ANKFN1: variants seen among roughly 807,000 people sequenced by gnomAD.
ANKFN1 encodes the protein ankyrin repeat and fibronectin type-III domain-containing protein 1.
A neutral mutation model predicts 108.7 loss-of-function variants in ANKFN1; 74 were observed. That is an observed-to-expected ratio of 0.68 (90% confidence interval 0.56 to 0.83). The LOEUF is 0.83. ANKFN1 is among the 40% of genes least tolerant of loss of function. The pLI, the probability that ANKFN1 is intolerant of heterozygous loss-of-function variation, is 0.00. For missense variants in ANKFN1, 1,505 were observed against 1,382.3 expected, an observed-to-expected ratio of 1.09 and a Z score of -1.41; for synonymous variants, 547 against 516.2, an observed-to-expected ratio of 1.06 and a Z score of -0.81.
At chr17:56,176,560 C>T (rs1257950647) in intron 1 of ANKFN1, among the ~76,000 whole-genome samples, 3 of 152,166 alleles carry the variant, frequency 2.0e-5, no homozygotes, top group African/African-American at 7.2e-5. Context: ...TCTTTGTGGT[C>T]ACTATGTCAA....
chr17:56,276,053 T>C (rs1016803291), intron 3 of ANKFN1, among the ~76,000 whole-genome samples: 2 of 152,050 alleles, frequency 1.3e-5, no homozygotes, highest in African/African-American at 4.8e-5. Context: ...AGTGTGACAT[T>C]CCCCACCCTG....
upstream of ANKFN1, among the ~76,000 whole-genome samples, chr17:56,152,317 G>A (rs564787682): frequency 6.9e-6 from 1 of 144,756 alleles, no homozygotes; most frequent in East Asian, 2.1e-4. Flanking sequence ...ATTTTTCTGA[G>A]TGCCTCACTG....
chr17:56,267,375 T>A (rs2043680143), intron 3 of ANKFN1, among the ~76,000 whole-genome samples: 1 of 152,236 alleles, frequency 6.6e-6, no homozygotes. Context: ...CTGTTTATTC[T>A]GTTGATAGTT....
chr17:56,442,678 T>C (rs1030708891), intron 9 of ANKFN1, among the ~76,000 whole-genome samples, 165 bp from the exon 10 acceptor site: 1 of 152,096 alleles, frequency 6.6e-6, no homozygotes, highest in African/African-American at 2.4e-5. Flanking sequence ...CAGAATGCTA[T>C]AGATGGGCTA....
chr17:56,103,393 A>G (rs544049689), intron 4 of ANKFN1, among the ~76,000 whole-genome samples: 1 of 152,334 alleles, frequency 6.6e-6, no homozygotes, highest in East Asian at 1.9e-4. Flanking sequence ...AAGGCACTGC[A>G]GGAAAGTGGA....
chr17:56,298,981 C>G (rs1472077284), intron 3 of ANKFN1, among the ~76,000 whole-genome samples: 8 of 152,182 alleles, frequency 5.3e-5, no homozygotes, highest in African/African-American at 1.9e-4. Flanking sequence ...CTGGAACAGT[C>G]TTGGAATAGA....
chr17:56,187,428 A>G (rs1254071117), intron 1 of ANKFN1, among the ~76,000 whole-genome samples: 3 of 152,242 alleles, frequency 2.0e-5, no homozygotes, highest in Non-Finnish European at 2.9e-5. Context: ...TTAAAAAGTC[A>G]GGAAACAACA....
chr17:56,118,262 G>A (rs779160431), intron 4 of ANKFN1, among the ~76,000 whole-genome samples: 4 of 152,102 alleles, frequency 2.6e-5, no homozygotes. Flanking sequence ...GGAATCTCTA[G>A]ATCAGATGGT....
In ANKFN1 at chr17:56,449,095, C is replaced by T. The variant is rs759462310; in HGVS notation, c.1116C>T (p.Asp372=). 9.3e-6 allele frequency: 15 copies of T among 1,613,066 alleles called. No homozygotes were observed. In the East Asian group the frequency reaches 2.7e-4, roughly 29 times the overall value. Residue 372 remains aspartate, a synonymous_variant, in exon 11 of 21, where the codon GAC becomes GAT. Coordinates refer to ENST00000682825, the MANE Select transcript of ANKFN1 (RefSeq NM_001370326.1). The stretch of plus-strand genomic sequence containing the variant: ...GTTCAATAGACTGGAAAGACTATGA[C>T]GACAGAGAGCCCAGACACAAGGGAC... The part of the protein sequence containing the change: ...CASPSNWKDY[D]DREPRHKGQS...
At chr17:56,380,715 C>T (rs1300749919) in intron 8 of ANKFN1, among the ~76,000 whole-genome samples, 3 of 152,196 alleles carry the variant, frequency 2.0e-5, no homozygotes, top group Non-Finnish European at 4.4e-5. Flanking sequence ...AACTGCAAGG[C>T]AGCAGCGAGG....
chr17:56,175,308 T>G (rs1252163175), intron 1 of ANKFN1, among the ~76,000 whole-genome samples: 1 of 152,228 alleles, frequency 6.6e-6, no homozygotes, highest in African/African-American at 2.4e-5. Context: ...TGTTTTGTTT[T>G]GTTTTTACAA....
intron 3 of ANKFN1, among the ~76,000 whole-genome samples, chr17:56,261,923 G>A (rs1303221002): frequency 6.6e-6 from 1 of 152,008 alleles, no homozygotes; most frequent in Non-Finnish European, 1.5e-5. Context: ...AGACATGTTG[G>A]GAATATCTCA....
chr17:56,139,884 G>C (rs1254616909), intron 4 of ANKFN1, among the ~76,000 whole-genome samples: 1 of 152,034 alleles, frequency 6.6e-6, no homozygotes, highest in Non-Finnish European at 1.5e-5. Flanking sequence ...CCTTTTCTCT[G>C]TTTGATTATT....
rs57995114 is a variant in ANKFN1, at chr17:56,126,348, G to A, written c.288+80023G>A. On this transcript the variant is annotated intron_variant, in intron 4 of 12. Coordinates refer to the ANKFN1 transcript ENST00000635860. ...CTGGCTCCCCCTGCCAGACGACAGC[G>A]GATCACAATGAAGGCATGCTGTCTG... 5.8e-4 allele frequency among the ~76,000 whole-genome samples: 89 copies of A among 152,174 alleles called. 1 individual carries two copies. The East Asian group carries it at 9.7e-3, about 17-fold the overall frequency.
chr17:56,335,344 A>C (rs2045777627), intron 4 of ANKFN1, among the ~76,000 whole-genome samples: 2 of 152,004 alleles, frequency 1.3e-5, no homozygotes, highest in African/African-American at 2.4e-5. Context: ...ATTCTTCCTA[A>C]CCATGAGCAT....
intron 4 of ANKFN1, among the ~76,000 whole-genome samples, chr17:56,343,592 C>T (rs1352784631): frequency 6.6e-6 from 1 of 151,768 alleles, no homozygotes; most frequent in East Asian, 1.9e-4. Context: ...TGAGTTTATT[C>T]TACTTAATGT....
intron 1 of ANKFN1, among the ~76,000 whole-genome samples, chr17:56,171,054 A>C (rs1044448214): frequency 6.6e-6 from 1 of 151,776 alleles, no homozygotes; most frequent in Non-Finnish European, 1.5e-5. Flanking sequence ...CTGATCCTCA[A>C]GAAAGTTATT....
chr17:56,280,453 G>A (rs145019770), intron 3 of ANKFN1, among the ~76,000 whole-genome samples: 1 of 152,228 alleles, frequency 6.6e-6, no homozygotes, highest in African/African-American at 2.4e-5. Flanking sequence ...ACACCAGAAT[G>A]ACCCTGCTCT....
chr17:56,420,882 G>T (rs996178962), intron 8 of ANKFN1, among the ~76,000 whole-genome samples: 3 of 151,672 alleles, frequency 2.0e-5, no homozygotes, highest in Non-Finnish European at 2.9e-5. Context: ...TAATTTTTTT[G>T]TATTTTTAGT....
Sources: gnomAD v4.1 joint callset for allele counts (sites outside exome capture counted in the v4.1 genomes callset) on GRCh38, gnomAD v4.1.1 for gene constraint, MANE v1.5 for transcripts, NCBI Gene and HGNC (gene_info 2026-07-23, HGNC 2026-07-21) for gene names.